Variants in GREB1 observed in about 807,000 individuals in gnomAD.
GREB1 encodes protein GREB1.
GREB1 carries 106 observed loss-of-function variants against 200.7 expected under a neutral mutation model. The ratio of observed to expected loss-of-function variants is 0.53; its 90% CI spans 0.45 to 0.62. The LOEUF is 0.62. GREB1 is among the 20% of genes least tolerant of loss of function. The pLI, the probability that GREB1 is intolerant of heterozygous loss-of-function variation, is 0.00. For synonymous variants in GREB1, 1,132 were observed against 1,092.4 expected, an observed-to-expected ratio of 1.04 and a Z score of -0.72; for missense variants, 2,243 against 2,556.8, an observed-to-expected ratio of 0.88 and a Z score of 2.65.
rs1236355731 is a variant in GREB1 at position 11,611,024 on chromosome 2, C to A, written c.3003C>A (p.Leu1001=). ...TGGGGAAGCACTTCGTAAAGCAGCT[C>A]AGGGTAGGTGCTGTGCGCAGGGAGG... ...VTVGKHFVKQ[L]RMWQKIEDVE... is the part of the protein sequence containing the mutation. Residue 1001 remains leucine, a synonymous_variant, in exon 18 of 33, where the codon CTC becomes CTA. Coordinates refer to ENST00000381486, the MANE Select transcript of GREB1 (RefSeq NM_014668.4). The A allele has an allele frequency of 1.3e-6, 2 of 1,580,274 alleles. No individual in the cohort carries two copies. The highest frequency in any genetic ancestry group is 1.8e-5 in the Admixed American group (1 of 54,952).
rs115486680 is a variant in GREB1, at chr2:11,557,489, A to G, written c.157+718A>G. 5.1e-3 allele frequency among the ~76,000 whole-genome samples: 781 copies of G among 152,358 alleles called. 9 individuals carry two copies. Among genetic ancestry groups the G allele is most frequent in the African/African-American group, 0.018 (746 of 41,574 alleles). ...ACTTTAAAACAAAAATTAATAAACT[A>G]GAATTAACGAAGAAAGCACTGAGTG... On this transcript the variant is annotated intron_variant, in intron 2 of 32. Transcript: ENST00000381486.
chr2:11,543,764 G>A (rs1674976650), intron 1 of GREB1, among the ~76,000 whole-genome samples: 2 of 152,118 alleles, frequency 1.3e-5, no homozygotes, highest in Admixed American at 1.3e-4. Context: ...TGTTGCAACT[G>A]GGAACCCCAG....
At chr2:11,614,470 C>T (rs1683216009) in intron 19 of GREB1, among the ~76,000 whole-genome samples, 1 of 152,062 alleles carries the variant, frequency 6.6e-6, no homozygotes, top group South Asian at 2.1e-4. Context: ...ATGAAAAAAT[C>T]AGAGCCTCAG....
intron 1 of GREB1, among the ~76,000 whole-genome samples, chr2:11,497,004 C>T (rs1216041154): frequency 6.6e-6 from 1 of 152,032 alleles, no homozygotes; most frequent in African/African-American, 2.4e-5. Flanking sequence ...ACTTTGTTGC[C>T]CAGGCTGGTC....
In GREB1 at chr2:11,492,322, C is replaced by T. The variant is rs1237628839; in HGVS notation, c.-159+9941C>T. Among the ~76,000 whole-genome samples the T allele has an allele frequency of 6.6e-6, 1 of 152,232 alleles. No homozygotes were observed. The highest frequency in any genetic ancestry group is 2.4e-5 in the African/African-American group (1 of 41,460). ...CATCCCTCATTCTTTCTTCTCCAAACCCTCAGTGTGCTCTATCAAGAAATG... is the reference window on the plus strand; with the variant it reads ...CATCCCTCATTCTTTCTTCTCCAAATCCTCAGTGTGCTCTATCAAGAAATG... On this transcript the variant is annotated intron_variant, in intron 1 of 2. Transcript: ENST00000628795. This position sits in a 1 kb window ranked among gnomAD's most constrained non-coding sequence, Gnocchi z 4.0.
At chr2:11,568,364 C>T (rs563505121) in intron 4 of GREB1, among the ~76,000 whole-genome samples, 4 of 152,286 alleles carry the variant, frequency 2.6e-5, no homozygotes, top group Non-Finnish European at 2.9e-5. Flanking sequence ...AACTCTGACA[C>T]GAGGCAGGTG....
At chr2:11,485,741 A>G (rs1318119397) in intron 1 of GREB1, among the ~76,000 whole-genome samples, 1 of 152,216 alleles carries the variant, frequency 6.6e-6, no homozygotes, top group African/African-American at 2.4e-5. Flanking sequence ...ATAGATGTTC[A>G]TTCTAGTACT....
chr2:11,559,136 G>A (rs1676725258), intron 2 of GREB1, among the ~76,000 whole-genome samples: 1 of 152,194 alleles, frequency 6.6e-6, no homozygotes, highest in South Asian at 2.1e-4. Flanking sequence ...AACATTAAAA[G>A]CAGTAGCCTT....
At chr2:11,546,290 C>T (rs1572645774) in intron 1 of GREB1, among the ~76,000 whole-genome samples, 1 of 152,154 alleles carries the variant, frequency 6.6e-6, no homozygotes, top group Admixed American at 6.5e-5. Flanking sequence ...TGTCATTGAG[C>T]TGTTGGAAGA....
chr2:11,483,816 A>G (rs1341914745), intron 1 of GREB1, among the ~76,000 whole-genome samples: 1 of 1,260 alleles, frequency 7.9e-4, no homozygotes, highest in Non-Finnish European at 0.012. Flanking sequence ...TTTGCTGTCA[A>G]CTCTCTTTGA....
chr2:11,638,136 G>C (rs909080444), intron 31 of GREB1, among the ~76,000 whole-genome samples: 2 of 152,110 alleles, frequency 1.3e-5, no homozygotes, highest in African/African-American at 4.8e-5. Context: ...ACTTTTGTTT[G>C]TTTGTTTGTT....
At chr2:11,601,038 C>T in intron 16 of GREB1, 43 bp downstream of exon 16, 2 of 1,509,220 alleles carry the variant, frequency 1.3e-6, no homozygotes, top group Non-Finnish European at 1.8e-6. Flanking sequence ...AGCAATATCA[C>T]TTGGGTTTGC....
chr2:11,581,634 C>T (rs1394750933), intron 7 of GREB1, among the ~76,000 whole-genome samples: 1 of 152,186 alleles, frequency 6.6e-6, no homozygotes, highest in East Asian at 1.9e-4. Context: ...CCAGTGCTCT[C>T]CCCACCATGC....
chr2:11,501,594 T>A (rs569463322), intron 1 of GREB1, among the ~76,000 whole-genome samples: 4 of 151,952 alleles, frequency 2.6e-5, no homozygotes, highest in African/African-American at 9.7e-5. Context: ...GCGTTTCACT[T>A]TGTTGGCCAG....
At chr2:11,583,405 G>A (rs1679722453) in intron 7 of GREB1, among the ~76,000 whole-genome samples, 1 of 152,194 alleles carries the variant, frequency 6.6e-6, no homozygotes, top group African/African-American at 2.4e-5. Flanking sequence ...TTGTTGGGAG[G>A]GCCAAAGGAG....
intron 9 of GREB1, chr2:11,587,516 C>G: frequency 2.5e-6 from 4 of 1,572,364 alleles, no homozygotes; most frequent in Non-Finnish European, 3.5e-6. Flanking sequence ...ATCAGAAGCC[C>G]TGGGTGGCAC....
At chr2:11,487,742 T>C (rs2148398725) in intron 1 of GREB1, among the ~76,000 whole-genome samples, 1 of 152,366 alleles carries the variant, frequency 6.6e-6, no homozygotes, top group East Asian at 1.9e-4. Context: ...TTGTTTCTTG[T>C]GTTTCCTCCC....
At chr2:11,552,019 C>G (rs1478202411) in intron 1 of GREB1, among the ~76,000 whole-genome samples, 1 of 152,212 alleles carries the variant, frequency 6.6e-6, no homozygotes, top group African/African-American at 2.4e-5. Context: ...GTCTCTCTTA[C>G]TGTCCGTAAC....
chr2:11,532,886 G>A (rs1448766616), upstream of GREB1, among the ~76,000 whole-genome samples: 2 of 152,198 alleles, frequency 1.3e-5, no homozygotes, highest in Admixed American at 6.5e-5. Context: ...TGTAAAAGGT[G>A]CTTTACGGTC....
Sources: gnomAD v4.1 joint callset for allele counts (sites outside exome capture counted in the v4.1 genomes callset) on GRCh38, gnomAD v4.1.1 for gene constraint, Gnocchi (gnomAD v3.1) non-coding constraint, MANE v1.5 for transcripts, NCBI Gene and HGNC (gene_info 2026-07-23, HGNC 2026-07-21) for gene names.